The following SEMA5A variants were observed in gnomAD, a reference collection of about 807,000 sequenced individuals.
The protein encoded by SEMA5A is semaphorin-5A.
Under a neutral mutation model 135.5 loss-of-function variants are expected in SEMA5A, and 55 were observed. The ratio of observed to expected loss-of-function variants is 0.41; its 90% CI spans 0.33 to 0.51. The LOEUF (loss-of-function observed/expected upper bound fraction) is 0.51. Ranked by LOEUF, SEMA5A falls within the 20% of genes least tolerant of loss-of-function variation. The probability of loss-of-function intolerance (pLI) is 0.37; values close to 1 mark genes in which losing one functional copy is unlikely to be tolerated. For missense variants in SEMA5A, 1,290 were observed against 1,419.9 expected (o/e 0.91, Z 1.47); for synonymous variants, 580 against 546.5 (o/e 1.06, Z -0.85).
chr5:9,236,330 C>T (rs532706277), intron 6 of SEMA5A, among the ~76,000 whole-genome samples: 1 of 152,264 alleles, frequency 6.6e-6, no homozygotes, highest in East Asian at 1.9e-4. Flanking sequence ...CATCTTTCCA[C>T]CCCTCACTTC....
At chr5:9,395,251 G>C (rs1447633635) in intron 2 of SEMA5A, among the ~76,000 whole-genome samples, 2 of 152,122 alleles carry the variant, frequency 1.3e-5, no homozygotes, top group Non-Finnish European at 2.9e-5. Context: ...CTGCAGTACG[G>C]AAAAGAAAAA....
At chr5:9,324,218 G>A (rs1364801001) in intron 4 of SEMA5A, among the ~76,000 whole-genome samples, 4 of 151,868 alleles carry the variant, frequency 2.6e-5, no homozygotes, top group East Asian at 1.9e-4. Flanking sequence ...ACAGGCGCCC[G>A]CCACCACACC....
intron 16 of SEMA5A, among the ~76,000 whole-genome samples, chr5:9,072,156 G>A (rs1737803634): frequency 6.6e-6 from 1 of 152,144 alleles, no homozygotes; most frequent in Non-Finnish European, 1.5e-5. Context: ...TTAAATAATG[G>A]TTCTTAAAGT....
intron 5 of SEMA5A, among the ~76,000 whole-genome samples, chr5:9,272,728 G>A (rs1423423887): frequency 6.6e-6 from 1 of 152,100 alleles, no homozygotes; most frequent in Admixed American, 6.5e-5. Flanking sequence ...ACAGGGTCTG[G>A]AGTGGACCTC....
rs190276436 is a variant in SEMA5A at position 9,333,122 on chromosome 5, C to G, written c.224+4591G>C. Among the ~76,000 whole-genome samples, 6 of 152,038 alleles carry G rather than the reference C, an allele frequency of 3.9e-5. No individual in the cohort carries two copies. The East Asian group carries it at 1.2e-3, about 29-fold the overall frequency. ...AAGACCAAGAAACACATTTAAAAAC[C>G]TGAAGAAAATTCACATTTTAGAAAC... is the stretch of plus-strand genomic sequence containing the variant. On this transcript the variant is annotated intron_variant, in intron 4 of 22. Transcript: ENST00000382496.
intron 1 of SEMA5A, among the ~76,000 whole-genome samples, chr5:9,514,862 A>G (rs899732333): frequency 6.6e-6 from 1 of 152,198 alleles, no homozygotes; most frequent in African/African-American, 2.4e-5. Flanking sequence ...AGTTTTGGTT[A>G]GTGTAGATTC....
chr5:9,185,317 T>C (rs1048081917), intron 11 of SEMA5A, among the ~76,000 whole-genome samples: 5 of 152,204 alleles, frequency 3.3e-5, no homozygotes, highest in African/African-American at 1.2e-4. Context: ...GTGATAAACA[T>C]GGCACAATCT....
intron 2 of SEMA5A, among the ~76,000 whole-genome samples, chr5:9,383,343 G>A (rs562887689): frequency 6.6e-6 from 1 of 152,282 alleles, no homozygotes; most frequent in East Asian, 1.9e-4. Context: ...ATTTCATTCT[G>A]TTAAAAGCAA....
At chr5:9,385,783 G>A (rs1258641188) in intron 2 of SEMA5A, among the ~76,000 whole-genome samples, 1 of 143,086 alleles carries the variant, frequency 7.0e-6, no homozygotes. Context: ...AGGAGAAGGA[G>A]TTGGAAAGCG....
chr5:9,231,575 T>C (rs972654008), intron 6 of SEMA5A, among the ~76,000 whole-genome samples: 1 of 151,544 alleles, frequency 6.6e-6, no homozygotes, highest in Non-Finnish European at 1.5e-5. Context: ...CTCTTGCAGA[T>C]CCACTGGCAA....
At chr5:9,366,960 T>C (rs1251085701) in intron 3 of SEMA5A, among the ~76,000 whole-genome samples, 20 of 152,170 alleles carry the variant, frequency 1.3e-4, no homozygotes. Flanking sequence ...AGGTTTCCTT[T>C]CCTAGTCTGG....
chr5:9,353,265 CAAAGGAAAGG>C (rs1179639286), intron 3 of SEMA5A, among the ~76,000 whole-genome samples: 2 of 51,242 alleles, frequency 3.9e-5, no homozygotes, highest in African/African-American at 8.8e-5. Flanking sequence ...GGAAGGGAAG[CAAAGGAAAGG>C]AAAGGAAAGG....
At chr5:9,145,383 G>A (rs188264370) in intron 12 of SEMA5A, among the ~76,000 whole-genome samples, 1 of 152,312 alleles carries the variant, frequency 6.6e-6, no homozygotes, top group Admixed American at 6.5e-5. Context: ...CCATCTGAAT[G>A]CAAAGCTCAT....
chr5:9,461,200 T>C (rs1759045027), intron 1 of SEMA5A, among the ~76,000 whole-genome samples: 1 of 152,222 alleles, frequency 6.6e-6, no homozygotes, highest in Non-Finnish European at 1.5e-5. Flanking sequence ...TAGGAAACTA[T>C]TGTGGCAAAG....
chr5:9,479,858 G>A (rs1759809042), intron 1 of SEMA5A, among the ~76,000 whole-genome samples: 1 of 152,246 alleles, frequency 6.6e-6, no homozygotes, highest in Admixed American at 6.5e-5. Context: ...GCTACAGGGA[G>A]AGGAGGTTGA....
intron 1 of SEMA5A, among the ~76,000 whole-genome samples, chr5:9,471,857 C>A (rs1759489765): frequency 6.6e-6 from 1 of 152,310 alleles, no homozygotes; most frequent in South Asian, 2.1e-4. Context: ...ATTAAATGCT[C>A]TGTGGTATGC....
chr5:9,405,255 T>C (rs145374295), intron 2 of SEMA5A, among the ~76,000 whole-genome samples: 3,394 of 152,274 alleles, frequency 0.022, 49 homozygotes, highest in Non-Finnish European at 0.03. Flanking sequence ...CCCCAGAGAT[T>C]CAAAATTCCC....
intron 3 of SEMA5A, among the ~76,000 whole-genome samples, chr5:9,343,692 G>A (rs1172311771): frequency 6.6e-6 from 1 of 152,088 alleles, no homozygotes; most frequent in South Asian, 2.1e-4. Context: ...AAACAAGGGA[G>A]TGGAATGTTT....
intron 1 of SEMA5A, among the ~76,000 whole-genome samples, chr5:9,535,410 C>A (rs1737705245): frequency 6.6e-6 from 1 of 152,136 alleles, no homozygotes; most frequent in South Asian, 2.1e-4. Flanking sequence ...GATGGGCTGC[C>A]TGGACACGCT....
Sources: allele counts gnomAD v4.1 joint callset (sites outside exome capture counted in the v4.1 genomes callset), GRCh38; gene constraint gnomAD v4.1.1; transcripts MANE v1.5; gene names NCBI Gene and HGNC (gene_info 2026-07-23, HGNC 2026-07-21).